The following INPP4B variants were observed in gnomAD, a reference collection of about 807,000 sequenced individuals.
The protein encoded by INPP4B is inositol polyphosphate-4-phosphatase type II B.
INPP4B carries 55 observed loss-of-function variants against 122.5 expected under a neutral mutation model. The observed-to-expected ratio is 0.45, with a 90% CI of 0.36 to 0.56. The LOEUF is 0.56. Among genes scored for constraint, INPP4B ranks in the 20% least tolerant of loss-of-function variants. The pLI is 0.00. For missense variants in INPP4B, 1,000 were observed against 1,097.7 expected, an observed-to-expected ratio of 0.91 and a Z score of 1.26; for synonymous variants, 403 against 388.7, an observed-to-expected ratio of 1.04 and a Z score of -0.43.
At chr4:142,631,345 A>G (rs1363688761) in intron 2 of INPP4B, among the ~76,000 whole-genome samples, 4 of 152,160 alleles carry the variant, frequency 2.6e-5, no homozygotes, top group Non-Finnish European at 5.9e-5. Flanking sequence ...ACAGTTGCAG[A>G]ACTATTTGGT....
At chr4:142,388,677 G>C (rs1796717264) in intron 7 of INPP4B, among the ~76,000 whole-genome samples, 1 of 152,126 alleles carries the variant, frequency 6.6e-6, no homozygotes, top group South Asian at 2.1e-4. Flanking sequence ...TTTTGAGAGA[G>C]CTTTAATTTA....
intron 2 of INPP4B, among the ~76,000 whole-genome samples, chr4:142,694,265 C>T (rs1760690052): frequency 6.6e-6 from 1 of 151,058 alleles, no homozygotes. Flanking sequence ...CCCAGCTACT[C>T]AGGAGGCTGA....
chr4:142,515,353 T>C (rs1825290175), intron 2 of INPP4B, among the ~76,000 whole-genome samples: 1 of 152,190 alleles, frequency 6.6e-6, no homozygotes, highest in Non-Finnish European at 1.5e-5. Flanking sequence ...AATGCAATCA[T>C]GGTGGGTCAT....
chr4:142,033,692 A>T (rs1385454407), intron 25 of INPP4B, among the ~76,000 whole-genome samples: 1 of 131,034 alleles, frequency 7.6e-6, no homozygotes, highest in East Asian at 2.1e-4. Flanking sequence ...TTTTTGAGAC[A>T]GGTTCTCTGT....
chr4:142,272,909 A>C (rs1383096485), intron 9 of INPP4B, among the ~76,000 whole-genome samples: 1 of 152,056 alleles, frequency 6.6e-6, no homozygotes, highest in East Asian at 1.9e-4. Flanking sequence ...AAGCTAAGTT[A>C]GCTTAATTGC....
intron 1 of INPP4B, among the ~76,000 whole-genome samples, chr4:142,743,493 G>A (rs982366682): frequency 1.3e-5 from 2 of 151,938 alleles, no homozygotes; most frequent in African/African-American, 4.8e-5. Flanking sequence ...ATTTTAGAGA[G>A]TTACTGCTAC....
intron 1 of INPP4B, among the ~76,000 whole-genome samples, chr4:142,754,867 G>T (rs187596478): frequency 2.1e-3 from 322 of 152,048 alleles, no homozygotes; most frequent in African/African-American, 7.3e-3. Context: ...GAATTGAGAG[G>T]AGCTAGCAGG....
At chr4:142,185,337 TGAGTA>T (rs1369039082) in intron 15 of INPP4B, among the ~76,000 whole-genome samples, 2 of 151,784 alleles carry the variant, frequency 1.3e-5, no homozygotes, top group African/African-American at 2.4e-5. Flanking sequence ...ATGGAAGATA[TGAGTA>T]AAGTGGAGCT....
intron 2 of INPP4B, among the ~76,000 whole-genome samples, chr4:142,557,594 A>C (rs1442655914): frequency 6.6e-6 from 1 of 152,230 alleles, no homozygotes; most frequent in Non-Finnish European, 1.5e-5. Context: ...GTCCAGGCAC[A>C]GTTCCACACT....
chr4:142,137,453 A>C (rs1805099698), intron 18 of INPP4B, among the ~76,000 whole-genome samples: 1 of 85,368 alleles, frequency 1.2e-5, no homozygotes, highest in African/African-American at 3.0e-5. Context: ...CCTAGGCATT[A>C]CCATTCAGGA....
At chr4:142,658,373 C>G (rs1326981555) in intron 2 of INPP4B, among the ~76,000 whole-genome samples, 1 of 152,184 alleles carries the variant, frequency 6.6e-6, no homozygotes, top group Non-Finnish European at 1.5e-5. Context: ...CAAGGGCTAA[C>G]TAAATGGACT....
chr4:142,053,408 A>G (rs1755722191), intron 25 of INPP4B, among the ~76,000 whole-genome samples: 1 of 152,124 alleles, frequency 6.6e-6, no homozygotes, highest in African/African-American at 2.4e-5. Flanking sequence ...TACCAAAAAC[A>G]TTAAGTGGAT....
At chr4:142,040,934 T>C (rs1403997487) in intron 25 of INPP4B, among the ~76,000 whole-genome samples, 1 of 152,222 alleles carries the variant, frequency 6.6e-6, no homozygotes, top group Non-Finnish European at 1.5e-5. Context: ...CTTCTGATTC[T>C]ATTCTTGATA....
intron 25 of INPP4B, among the ~76,000 whole-genome samples, chr4:142,074,548 G>A (rs928234594): frequency 3.3e-5 from 5 of 151,974 alleles, no homozygotes; most frequent in African/African-American, 9.7e-5. Flanking sequence ...ATACCTATTG[G>A]TTTATATACA....
chr4:142,680,301 A>T (rs893171960), intron 2 of INPP4B, among the ~76,000 whole-genome samples: 2 of 151,906 alleles, frequency 1.3e-5, no homozygotes, highest in Non-Finnish European at 2.9e-5. Context: ...TCTTAGCTAC[A>T]CTGCATTCCA....
At chr4:142,345,229 C>T (rs919214256) in intron 7 of INPP4B, among the ~76,000 whole-genome samples, 1 of 151,836 alleles carries the variant, frequency 6.6e-6, no homozygotes, top group South Asian at 2.1e-4. Flanking sequence ...AAATAAAAGA[C>T]ATTATATAGC....
chr4:142,821,251 T>C (rs1203731648), intron 1 of INPP4B, among the ~76,000 whole-genome samples: 1 of 152,120 alleles, frequency 6.6e-6, no homozygotes, highest in Non-Finnish European at 1.5e-5. Flanking sequence ...TGAGCCTAAG[T>C]TCTCTTGAGT....
rs755973662 is a variant in INPP4B, at chr4:142,698,783, A to G, written c.-191+27056T>C. 6.1e-4 allele frequency among the ~76,000 whole-genome samples: 93 copies of G among 152,170 alleles called. 2 individuals carry two copies. The highest frequency in any genetic ancestry group is 1.8e-4 in the Non-Finnish European group (12 of 68,034). On this transcript the variant is annotated intron_variant, in intron 2 of 25. Transcript: ENST00000262992. Reference sequence around the variant, plus strand: ...AGCCCCCAGGGCTGGCCATGCTCTTATGCATATCCGTGTTCTTAGCTCAGC... The same window carrying G: ...AGCCCCCAGGGCTGGCCATGCTCTTGTGCATATCCGTGTTCTTAGCTCAGC...
intron 2 of INPP4B, among the ~76,000 whole-genome samples, chr4:142,623,558 C>T (rs1745474763): frequency 6.6e-6 from 1 of 151,620 alleles, no homozygotes; most frequent in Admixed American, 6.6e-5. Context: ...GTATAATTCA[C>T]TCCTTTTTTA....
Sources: gnomAD v4.1 joint callset for allele counts (sites outside exome capture counted in the v4.1 genomes callset) on GRCh38, gnomAD v4.1.1 for gene constraint, MANE v1.5 for transcripts, NCBI Gene and HGNC (gene_info 2026-07-23, HGNC 2026-07-21) for gene names.